The following KDM4C variants were observed in gnomAD, a reference collection of about 807,000 sequenced individuals.
KDM4C encodes the protein lysine demethylase 4C.
A neutral mutation model predicts 129.3 loss-of-function variants in KDM4C; 81 were observed. The observed-to-expected ratio is 0.63, with a 90% CI of 0.52 to 0.75. KDM4C has a LOEUF of 0.75. KDM4C is among the 30% of genes least tolerant of loss of function. KDM4C has a pLI of 0.00. For synonymous variants in KDM4C, 573 were observed against 456.1 expected (o/e 1.26, Z -3.26); for missense variants, 1,457 against 1,304.0 (o/e 1.12, Z -1.81).
At position 7,163,739 on chromosome 9, in the gene KDM4C, C is replaced by T. The variant is rs191125058; in HGVS notation, c.2782-1499C>T. ...GAAAGGTGATAACCCCATGGGAATA[C>T]ATTGAGTACATCTCCACAGCCTACC... On this transcript the variant is annotated intron_variant, in intron 19 of 21. Transcript: ENST00000381309. Among the ~76,000 whole-genome samples, 19 of 152,326 alleles carry T rather than the reference C, an allele frequency of 1.2e-4. No homozygotes were observed. In the East Asian group the frequency reaches 3.5e-3, roughly 28 times the overall value.
chr9:6,744,660 A>G (rs552613744), intron 1 of KDM4C, among the ~76,000 whole-genome samples: 3 of 152,284 alleles, frequency 2.0e-5, no homozygotes, highest in South Asian at 4.1e-4. Context: ...CTCCCAATGT[A>G]CTAGGATTAC....
chr9:6,748,795 C>G (rs148224867), intron 1 of KDM4C: 21,140 of 1,359,912 alleles, frequency 0.016, 186 homozygotes, highest in Non-Finnish European at 0.019. Flanking sequence ...GAATGAATCT[C>G]TTCTGCATCA....
intron 15 of KDM4C, among the ~76,000 whole-genome samples, chr9:7,035,357 TGTTTGA>T (rs909861642): frequency 7.8e-5 from 10 of 127,506 alleles, no homozygotes; most frequent in African/African-American, 2.4e-4. Flanking sequence ...TCTGTTGAGA[TGTTTGA>T]GTTCCTTGTG....
intron 8 of KDM4C, among the ~76,000 whole-genome samples, chr9:6,961,444 A>G (rs1830034570): frequency 6.6e-6 from 1 of 152,204 alleles, no homozygotes; most frequent in East Asian, 1.9e-4. Flanking sequence ...CTTTCTGAAC[A>G]GAGATAGTCG....
chr9:6,949,604 C>T (rs564819050), intron 8 of KDM4C, among the ~76,000 whole-genome samples: 9 of 152,164 alleles, frequency 5.9e-5, no homozygotes, highest in Non-Finnish European at 1.2e-4. Flanking sequence ...CTCGGGAGGC[C>T]GAGGCTGGCA....
rs1830389777 is a variant in KDM4C, at chr9:7,052,903, G to GAGCA, written c.2424+3706_2424+3707insAAGC. Among the ~76,000 whole-genome samples the GAGCA allele has an allele frequency of 7.4e-5, 11 of 149,226 alleles. 3 individuals are homozygous for GAGCA. In the South Asian group the frequency reaches 8.6e-4, roughly 12 times the overall value. ...AGAGAGAGAGAGAGAGAGAGAGAGC[G>GAGCA]AGCGAGTGCCCAAGGGATGACAATA... On this transcript the variant is annotated intron_variant, in intron 17 of 21. Transcript: ENST00000381309.
intron 1 of KDM4C, among the ~76,000 whole-genome samples, chr9:6,776,150 T>A (rs1051891125): frequency 2.0e-5 from 3 of 152,228 alleles, no homozygotes; most frequent in African/African-American, 7.2e-5. Flanking sequence ...AGTGGTGCGA[T>A]CGTAGCTCAC....
At chr9:7,023,965 C>A (rs1383743557) in intron 15 of KDM4C, among the ~76,000 whole-genome samples, 1 of 152,136 alleles carries the variant, frequency 6.6e-6, no homozygotes, top group Non-Finnish European at 1.5e-5. Context: ...TTATTGATTT[C>A]TATTTTTATT....
intron 8 of KDM4C, among the ~76,000 whole-genome samples, chr9:6,942,059 T>C (rs1826045935): frequency 6.6e-6 from 1 of 152,226 alleles, no homozygotes; most frequent in South Asian, 2.1e-4. Flanking sequence ...AGGGTTCCAA[T>C]ATAAATTGGT....
intron 17 of KDM4C, among the ~76,000 whole-genome samples, chr9:7,084,810 C>G (rs1243126247): frequency 6.6e-6 from 1 of 152,178 alleles, no homozygotes; most frequent in Non-Finnish European, 1.5e-5. Flanking sequence ...TTACCATGTT[C>G]CAGTTCCTGA....
chr9:6,847,888 G>GT (rs1458806498), intron 4 of KDM4C, among the ~76,000 whole-genome samples: 1 of 152,154 alleles, frequency 6.6e-6, no homozygotes, highest in Non-Finnish European at 1.5e-5. Flanking sequence ...GCTTTAGACA[G>GT]TAAGATTAAC....
chr9:6,931,362 T>A (rs1823697736), intron 8 of KDM4C, among the ~76,000 whole-genome samples: 1 of 152,138 alleles, frequency 6.6e-6, no homozygotes, highest in Non-Finnish European at 1.5e-5. Flanking sequence ...GTCACAGTAA[T>A]TTGCTTATTA....
intron 17 of KDM4C, among the ~76,000 whole-genome samples, chr9:7,054,930 G>A (rs572343081): frequency 2.6e-5 from 4 of 152,200 alleles, no homozygotes; most frequent in African/African-American, 7.2e-5. Context: ...TCAATGCAGC[G>A]GATGTCTGTT....
At chr9:6,993,389 G>A (rs74567240) in intron 12 of KDM4C, among the ~76,000 whole-genome samples, 1,995 of 152,196 alleles carry the variant, frequency 0.013, 24 homozygotes, top group East Asian at 0.034. Context: ...AGGTTAGGCA[G>A]CTGGATAAGG....
chr9:6,978,839 C>T (rs1392720922), intron 8 of KDM4C: 1 of 152,184 alleles, frequency 6.6e-6, no homozygotes, highest in East Asian at 1.9e-4. Context: ...CAGTACCATC[C>T]TCCAGTCTCG....
At position 6,762,857 on chromosome 9, in the gene KDM4C, C is replaced by G. The variant is rs563313641; in HGVS notation, c.-18+4654C>G. Among the ~76,000 whole-genome samples, 146 of 151,940 alleles carry G rather than the reference C, an allele frequency of 9.6e-4. 1 individual carries two copies. Among genetic ancestry groups the G allele is most frequent in the Admixed American group, 1.9e-3 (29 of 15,234 alleles). ...TATTTTTAGTAGAGATGAGGTTTCA[C>G]CATGTTGGCCAGGCTGGGCTCGAAT... On this transcript the variant is annotated intron_variant, in intron 1 of 21. Transcript: ENST00000381309.
intron 1 of KDM4C, among the ~76,000 whole-genome samples, chr9:6,748,502 C>T (rs1275829818): frequency 2.0e-5 from 3 of 147,166 alleles, no homozygotes; most frequent in South Asian, 2.1e-4. Context: ...AGTGAAACTC[C>T]GTCTCAGAAA....
In KDM4C at chr9:7,006,440, A is replaced by G. The variant is rs558408374; in HGVS notation, c.1787-5258A>G. Among the ~76,000 whole-genome samples the G allele has an allele frequency of 2.6e-5, 4 of 152,282 alleles. No homozygotes were observed. The South Asian group carries it at 8.3e-4, about 32-fold the overall frequency. On this transcript the variant is annotated intron_variant, in intron 12 of 21. Coordinates refer to ENST00000381309, the MANE Select transcript of KDM4C (RefSeq NM_015061.6). ...TCAATGACAAGACAGAAATCTAGCT[A>G]TCCCTTTGAGGTGTTTGAAAAACAG... is the stretch of plus-strand genomic sequence containing the variant.
intron 5 of KDM4C, among the ~76,000 whole-genome samples, chr9:6,867,038 A>G (rs977093019): frequency 2.2e-5 from 3 of 138,396 alleles, no homozygotes; most frequent in Non-Finnish European, 4.6e-5. Context: ...TTTTTGGAAG[A>G]TGGAATCTTG....
Sources: allele counts gnomAD v4.1 joint callset (sites outside exome capture counted in the v4.1 genomes callset), GRCh38; gene constraint gnomAD v4.1.1; transcripts MANE v1.5; gene names NCBI Gene and HGNC (gene_info 2026-07-23, HGNC 2026-07-21).